The following FOCAD variants were observed in gnomAD, a reference collection of about 807,000 sequenced individuals.
The protein encoded by FOCAD is KIAA1797.
FOCAD carries 198 observed loss-of-function variants against 225.6 expected under a neutral mutation model. That is an observed-to-expected ratio of 0.88 (90% CI 0.78 to 0.99). The LOEUF is 0.99. Ranked by LOEUF, FOCAD falls within the 50% of genes least tolerant of loss-of-function variation. The pLI is 0.00. For synonymous variants in FOCAD, 897 were observed against 755.0 expected (o/e 1.19, Z -3.08); for missense variants, 2,713 against 2,123.6 (o/e 1.28, Z -5.46).
Position 20,770,306 on chromosome 9 carries a change from A to T in FOCAD, c.906+68A>T, listed in dbSNP as rs1361059151. The T allele has an allele frequency of 2.8e-6, 4 of 1,404,436 alleles. No individual in the cohort carries two copies. The African/African-American group carries it at 5.7e-5, about 20-fold the overall frequency. The allele number at this position is 1,404,436 out of a possible 1,614,324, so 87.0% of individuals were successfully genotyped here. A position where few individuals can be genotyped will look rare whatever the true frequency, so the allele number is the denominator to read the frequency against. ...AGAAATACCTGAGACTTGGTAATTT[A>T]TAAAGAAATGAGGTTTAATTGGCTT... is the stretch of plus-strand genomic sequence containing the variant. On this transcript the variant is annotated intron_variant, in intron 8 of 43. Coordinates refer to ENST00000338382, the MANE Select transcript of FOCAD (RefSeq NM_001375567.1).
intron 11 of FOCAD, among the ~76,000 whole-genome samples, chr9:20,810,197 G>A (rs573214849): frequency 6.6e-6 from 1 of 152,274 alleles, no homozygotes; most frequent in Non-Finnish European, 1.5e-5. Context: ...AATTCCTTCA[G>A]CATTGAATGA....
At position 20,670,221 on chromosome 9, in the gene FOCAD, T is replaced by A. The variant is rs890732843; in HGVS notation, c.-78+11395T>A. Reference sequence around the variant, plus strand: ...AAGTAATGAATGGGTAGATTAAATTTAGATACTGGTTAAGGGCTTTATATG... The same window carrying A: ...AAGTAATGAATGGGTAGATTAAATTAAGATACTGGTTAAGGGCTTTATATG... On this transcript the variant is annotated intron_variant, in intron 2 of 45. Coordinates refer to the FOCAD transcript ENST00000380249. Among the ~76,000 whole-genome samples the A allele has an allele frequency of 5.9e-5, 9 of 152,196 alleles. No homozygotes were observed. In the East Asian group the frequency reaches 1.7e-3, roughly 29 times the overall value.
chr9:20,945,868 A>T (rs1009653217), intron 29 of FOCAD, among the ~76,000 whole-genome samples: 15 of 152,116 alleles, frequency 9.9e-5, no homozygotes, highest in African/African-American at 3.6e-4. Context: ...TGAATTTTCT[A>T]CTTTGTCTTA....
At chr9:20,952,004 A>T (rs572398271) in intron 34 of FOCAD, among the ~76,000 whole-genome samples, 3 of 152,314 alleles carry the variant, frequency 2.0e-5, no homozygotes, top group Non-Finnish European at 4.4e-5. Context: ...AAATAGGACA[A>T]CTGGTCCACA....
chr9:20,905,571 G>A (rs1046486632), intron 21 of FOCAD, among the ~76,000 whole-genome samples: 2 of 152,040 alleles, frequency 1.3e-5, no homozygotes, highest in South Asian at 4.1e-4. Context: ...ATTGAGTATT[G>A]TTTCTGTTAA....
At chr9:20,841,953 C>T (rs1034852419) in intron 15 of FOCAD, among the ~76,000 whole-genome samples, 1 of 151,670 alleles carries the variant, frequency 6.6e-6, no homozygotes, top group Non-Finnish European at 1.5e-5. Context: ...CTTGTTTTCC[C>T]ATTTTTATTT....
intron 15 of FOCAD, among the ~76,000 whole-genome samples, chr9:20,824,177 C>A (rs1451622088): frequency 2.0e-5 from 3 of 152,018 alleles, no homozygotes; most frequent in Non-Finnish European, 4.4e-5. Flanking sequence ...ACCACACATG[C>A]CCAAGGACAT....
chr9:20,749,169 C>A (rs1056046700), intron 5 of FOCAD, among the ~76,000 whole-genome samples: 1 of 152,036 alleles, frequency 6.6e-6, no homozygotes, highest in African/African-American at 2.4e-5. Context: ...TGCATTAAAA[C>A]CCTGGCTCTC....
chr9:20,668,423 A>G (rs1821958552), intron 2 of FOCAD, among the ~76,000 whole-genome samples: 1 of 152,226 alleles, frequency 6.6e-6, no homozygotes. Context: ...TAGCATTATT[A>G]TACTGTGCAA....
intron 40 of FOCAD, among the ~76,000 whole-genome samples, chr9:20,987,063 G>A (rs1841239802): frequency 6.6e-6 from 1 of 152,136 alleles, no homozygotes. Flanking sequence ...TACAATTTCT[G>A]GAGACTACAT....
intron 35 of FOCAD, among the ~76,000 whole-genome samples, chr9:20,970,732 G>A (rs933979577): frequency 6.6e-6 from 1 of 152,000 alleles, no homozygotes; most frequent in African/African-American, 2.4e-5. Context: ...AAATGACAAA[G>A]CTTCCTTGTT....
intron 3 of FOCAD, among the ~76,000 whole-genome samples, chr9:20,719,980 G>T (rs778409502): frequency 6.6e-5 from 10 of 152,014 alleles, no homozygotes; most frequent in Non-Finnish European, 1.5e-4. Flanking sequence ...AACTGTTATT[G>T]TCATTGAAGG....
At chr9:20,970,823 A>G (rs1449627530) in intron 35 of FOCAD, among the ~76,000 whole-genome samples, 1 of 152,192 alleles carries the variant, frequency 6.6e-6, no homozygotes, top group African/African-American at 2.4e-5. Context: ...ATAAAACAAA[A>G]TATTGTAAAA....
chr9:20,872,465 G>C (rs1829866742), intron 18 of FOCAD, among the ~76,000 whole-genome samples: 3 of 151,786 alleles, frequency 2.0e-5, no homozygotes, highest in Non-Finnish European at 4.4e-5. Context: ...TCCTCTGGTG[G>C]TGGCAGTGAC....
rs1836229988 is a variant in FOCAD at position 20,938,366 on chromosome 9, G to A, written c.3407+5263G>A. ...CAATGATAGACTGGATTAAGAAAAT[G>A]TGGCACATATACACCATGGAATACT... On this transcript the variant is annotated intron_variant, in intron 28 of 43. Coordinates refer to ENST00000338382, the MANE Select transcript of FOCAD (RefSeq NM_001375567.1). Among the ~76,000 whole-genome samples the A allele has an allele frequency of 2.0e-5, 3 of 152,278 alleles. No individual in the cohort carries two copies. In the South Asian group the frequency reaches 6.2e-4, roughly 32 times the overall value.
At chr9:20,664,381 A>G (rs1346231545) in intron 2 of FOCAD, among the ~76,000 whole-genome samples, 3 of 151,206 alleles carry the variant, frequency 2.0e-5, no homozygotes. Flanking sequence ...ATTCTATTTA[A>G]TGGTTCAACA....
intron 41 of FOCAD, 21 bp from the exon 42 acceptor site, chr9:20,990,102 T>C: frequency 2.5e-6 from 4 of 1,612,936 alleles, no homozygotes; most frequent in Non-Finnish European, 3.4e-6. Flanking sequence ...TGACCTAACG[T>C]CATTTCTATT....
At chr9:20,842,884 T>C (rs1360768000) in intron 15 of FOCAD, among the ~76,000 whole-genome samples, 1 of 151,976 alleles carries the variant, frequency 6.6e-6, no homozygotes, top group Non-Finnish European at 1.5e-5. Context: ...ATATATCTCC[T>C]GTGGGTTATT....
In FOCAD at chr9:20,764,878, T is replaced by G; in HGVS notation, c.504T>G (p.Val168=). The part of the protein sequence containing the change: ...FFQQCPERLE[V]SCIQIMAPFL... ...ATTTCATGTCTTATAGGTTAGAAGTTTCATGCATTCAAATAATGGCACCAT... is the reference window on the plus strand; with the variant it reads ...ATTTCATGTCTTATAGGTTAGAAGTGTCATGCATTCAAATAATGGCACCAT... Residue 168 remains valine (V), a synonymous_variant, in exon 7 of 44, where the codon GTT becomes GTG. Transcript: ENST00000338382. 1 of 1,613,694 alleles carries G rather than the reference T, an allele frequency of 6.2e-7. No homozygotes were observed. The highest frequency in any genetic ancestry group is 8.5e-7 in the Non-Finnish European group (1 of 1,179,734).
Sources: allele counts gnomAD v4.1 joint callset (sites outside exome capture counted in the v4.1 genomes callset), GRCh38; gene constraint gnomAD v4.1.1; transcripts MANE v1.5; gene names NCBI Gene and HGNC (gene_info 2026-07-23, HGNC 2026-07-21).